Variants in WDR90 observed in about 807,000 individuals in gnomAD.
WDR90 encodes WD repeat domain 90, also known as WD repeat-containing protein 90.
In WDR90, 238 loss-of-function variants were observed where a neutral mutation model predicts 195.2. The ratio of observed to expected loss-of-function variants is 1.22; its 90% CI spans 1.10 to 1.36. WDR90 has a LOEUF of 1.36. WDR90 is among the 40% of genes most tolerant of loss of function. The pLI is 0.00. For missense variants in WDR90, 2,734 were observed against 2,439.5 expected (o/e 1.12, Z -2.54); for synonymous variants, 1,265 against 1,052.4 (o/e 1.20, Z -3.91).
At chr16:649,211 C>A, upstream of WDR90, 2 of 484,176 alleles carry the variant, frequency 4.1e-6, no homozygotes, top group Non-Finnish European at 6.6e-6. Flanking sequence ...CAAAGGGCAG[C>A]GGGATTCGCG....
At position 656,378 on chromosome 16, in the gene WDR90, C is replaced by T. The variant is rs757415588; in HGVS notation, c.2043C>T (p.His681=). 4.0e-5 allele frequency: 64 copies of T among 1,609,164 alleles called. 1 individual carries two copies. Among genetic ancestry groups the T allele is most frequent in the Non-Finnish European group, 4.8e-5 (57 of 1,179,614 alleles). Residue 681 remains histidine, a synonymous_variant, in exon 18 of 41, where the codon CAC becomes CAT. Coordinates refer to ENST00000293879, the MANE Select transcript of WDR90 (RefSeq NM_145294.5). ...LRVLSATSSG[H]LGFLDTLSRV... ...TGCTGTCTGCCACCTCCTCGGGCCA[C>T]CTGGGCTTCCTGGACACGCTGTCCC... is the stretch of plus-strand genomic sequence containing the variant.
rs777297224 is a variant in WDR90 at position 661,518 on chromosome 16, G to A, written c.3673+17G>A. 4 of 1,588,546 alleles carry A rather than the reference G, an allele frequency of 2.5e-6. No individual in the cohort carries two copies. Among genetic ancestry groups the A allele is most frequent in the Admixed American group, 3.4e-5 (2 of 58,574 alleles). Reference sequence around the variant, plus strand: ...TCACACTGGGTCAGTGGGAGGGAGGGTGGAGGCCAGGGGCTTCCCTAGACC... The same window carrying A: ...TCACACTGGGTCAGTGGGAGGGAGGATGGAGGCCAGGGGCTTCCCTAGACC... On this transcript the variant is annotated intron_variant, in intron 30 of 40. Coordinates refer to ENST00000293879, the MANE Select transcript of WDR90 (RefSeq NM_145294.5).
chr16:655,763 C>G lies in WDR90; in HGVS notation c.1850-10C>G. 6.3e-7 allele frequency: 1 copy of G among 1,583,878 alleles called. No homozygotes were observed. Among genetic ancestry groups the G allele is most frequent in the Admixed American group, 1.8e-5 (1 of 55,998 alleles). ...GGGACACCGAGGCACTGACGCCTCC[C>G]TGCCCCCAGGCCCCGGCATTGCCAT... On this transcript the variant is annotated splice_polypyrimidine_tract_variant and intron_variant, in intron 16 of 40. Transcript: ENST00000293879.
intron 7 of WDR90, 36 bp downstream of exon 7, chr16:651,302 G>T (rs2037642671): frequency 6.2e-7 from 1 of 1,609,752 alleles, no homozygotes. Flanking sequence ...CCAGGTTAAG[G>T]CCTGTAGGGT....
chr16:666,900 C>T lies in WDR90; in HGVS notation c.5005-5C>T, dbSNP rs1567226212. The T allele has an allele frequency of 1.9e-6, 3 of 1,613,128 alleles. No homozygotes were observed. Among genetic ancestry groups the T allele is most frequent in the East Asian group, 2.2e-5 (1 of 44,872 alleles). Reference sequence around the variant, plus strand: ...GGCCTGGAGCCTCACGCTGGCTGCTCACAGGTGGTGGAGAAGATACCACTG... The same window carrying T: ...GGCCTGGAGCCTCACGCTGGCTGCTTACAGGTGGTGGAGAAGATACCACTG... On this transcript the variant is annotated splice_region_variant and splice_polypyrimidine_tract_variant and intron_variant, in intron 39 of 40. Coordinates refer to ENST00000293879, the MANE Select transcript of WDR90 (RefSeq NM_145294.5).
chr16:665,633 C>T (rs1006789944), intron 34 of WDR90, 46 bp from the exon 35 acceptor site: 2 of 1,611,806 alleles, frequency 1.2e-6, no homozygotes, highest in Non-Finnish European at 1.7e-6. Context: ...GTCCCTTTAC[C>T]CTGCCCAGGG....
intron 34 of WDR90, among the ~76,000 whole-genome samples, chr16:664,644 G>A (rs994539442): frequency 5.3e-5 from 8 of 151,992 alleles, no homozygotes; most frequent in African/African-American, 1.9e-4. Flanking sequence ...AGCTGTCCTG[G>A]TCTGAGTCCC....
At chr16:659,841 AG>A (rs2037855965) in intron 26 of WDR90, among the ~76,000 whole-genome samples, 1 of 152,186 alleles carries the variant, frequency 6.6e-6, no homozygotes, top group African/African-American at 2.4e-5. Context: ...GTGCCGGTGC[AG>A]GGGCCTGAGG....
Position 655,323 on chromosome 16 carries a change from C to T in WDR90, c.1573C>T (p.Gln525Ter). The T allele has an allele frequency of 6.2e-7, 1 of 1,604,820 alleles. No homozygotes were observed. Among genetic ancestry groups the T allele is most frequent in the Non-Finnish European group, 8.5e-7 (1 of 1,179,512 alleles). The change falls in exon 15 of 41, where the codon CAG becomes TAG. Residue 525 changes from glutamine to a stop codon, truncating the protein, a stop_gained. Coordinates refer to ENST00000293879, the MANE Select transcript of WDR90 (RefSeq NM_145294.5). LOFTEE classifies it high-confidence loss of function. ...TCCTTGCAGGATGGCGTCGTGCGGG[C>T]AGGGCAGTGTGCGGCTCTGGCGGCT... is the stretch of plus-strand genomic sequence containing the variant. ...FDETRMASCG[Q>*]GSVRLWRLRG...
chr16:662,044 G>A lies in WDR90; in HGVS notation c.4018G>A (p.Asp1340Asn). 6.2e-7 allele frequency: 1 copy of A among 1,601,860 alleles called. No individual in the cohort carries two copies. The highest frequency in any genetic ancestry group is 8.5e-7 in the Non-Finnish European group (1 of 1,179,758). ...AGRCFLSWEA[D>N]DGGIGLLLFS... is the part of the protein sequence containing the mutation. ...CCGCTGCTTCTTGTCCTGGGAGGCG[G>A]ATGACGGTGGCATTGGTGAGTGCCC... Residue 1340 changes from aspartate to asparagine, a missense_variant, in exon 32 of 41, where the codon GAT becomes AAT. Coordinates refer to ENST00000293879, the MANE Select transcript of WDR90 (RefSeq NM_145294.5).
Position 656,738 on chromosome 16 carries a change from G to A in WDR90, c.2209G>A (p.Asp737Asn), listed in dbSNP as rs756802567. The change falls in exon 19 of 41, where the codon GAC (aspartate) becomes AAC (asparagine). Residue 737 changes from aspartate to asparagine, a missense_variant. Coordinates refer to ENST00000293879, the MANE Select transcript of WDR90 (RefSeq NM_145294.5). ...WDLATLQQLY[D>N]FTSSEDAPCA... is the part of the protein sequence containing the mutation. ...CACGGCCCCTGTCCCACAGCTATAC[G>A]ACTTCACATCATCAGAGGACGCCCC... The A allele has an allele frequency of 9.3e-6, 15 of 1,612,778 alleles. No homozygotes were observed. Among genetic ancestry groups the A allele is most frequent in the African/African-American group, 1.3e-5 (1 of 74,922 alleles).
At chr16:653,206 CTG>C (rs1457793523) in intron 10 of WDR90, 133 bp from the exon 11 acceptor site, 3 of 656,908 alleles carry the variant, frequency 4.6e-6, no homozygotes, top group South Asian at 2.1e-5. Flanking sequence ...CCCTGGGTGG[CTG>C]TGTGCCCAGG....
At chr16:650,746 A>G in intron 5 of WDR90, 37 bp downstream of exon 5, 1 of 1,585,064 alleles carries the variant, frequency 6.3e-7, no homozygotes. Context: ...TCCATATCTC[A>G]CCCATGCTCT....
intron 2 of WDR90, 64 bp from the exon 3 acceptor site, chr16:649,927 G>A (rs2037606600): frequency 6.2e-7 from 1 of 1,602,944 alleles, no homozygotes; most frequent in Non-Finnish European, 8.5e-7. Context: ...GCCCCCGAGG[G>A]CCCCCTCGCC....
At chr16:659,497 A>T in intron 26 of WDR90, 121 bp downstream of exon 26, 13 of 1,265,216 alleles carry the variant, frequency 1.0e-5, no homozygotes, top group Admixed American at 2.1e-5. Flanking sequence ...GCTGCTCATC[A>T]GGTGGAACAC....
chr16:658,181 A>C lies in WDR90; in HGVS notation c.2605-2A>C. 6.2e-7 allele frequency: 1 copy of C among 1,607,212 alleles called. No individual in the cohort carries two copies. Among genetic ancestry groups the C allele is most frequent in the Non-Finnish European group, 8.5e-7 (1 of 1,176,402 alleles). On this transcript the variant is annotated splice_acceptor_variant, in intron 21 of 40. Transcript: ENST00000293879. LOFTEE classifies it high-confidence loss of function. ...CTGTCGGCCACTTACCACTACCCCC[A>C]GCTGCTGCGAGTTGACATCGGCACT...
chr16:659,058 C>T, intron 24 of WDR90, 28 bp from the exon 25 acceptor site: 1 of 1,613,278 alleles, frequency 6.2e-7, no homozygotes, highest in Non-Finnish European at 8.5e-7. Flanking sequence ...CCCAGGCCCT[C>T]CTGAAACCCT....
chr16:663,159 C>T (rs1165623063), intron 34 of WDR90: 24 of 439,248 alleles, frequency 5.5e-5, no homozygotes, highest in African/African-American at 1.0e-4. Context: ...CACATCAGTC[C>T]GGGCGTGGTG....
chr16:657,935 A>C (rs1437318840), intron 21 of WDR90, 43 bp downstream of exon 21: 1 of 1,506,400 alleles, frequency 6.6e-7, no homozygotes, highest in African/African-American at 1.4e-5. Context: ...CTGGGCCATG[A>C]GAGGCTGGCT....
Sources: allele counts gnomAD v4.1 joint callset (sites outside exome capture counted in the v4.1 genomes callset), GRCh38; gene constraint gnomAD v4.1.1; transcripts MANE v1.5; gene names NCBI Gene and HGNC (gene_info 2026-07-23, HGNC 2026-07-21).